Variants in MYO16 observed in about 807,000 individuals in gnomAD.
MYO16 encodes the protein unconventional myosin-XVI.
In MYO16, 94 loss-of-function variants were observed where a neutral mutation model predicts 205.3. The observed-to-expected ratio is 0.46, with a 90% confidence interval of 0.39 to 0.54. The LOEUF (loss-of-function observed/expected upper bound fraction) is 0.54. MYO16 is among the 20% of genes least tolerant of loss of function. The pLI, the probability that MYO16 is intolerant of heterozygous loss-of-function variation, is 0.00. For missense variants in MYO16, 2,315 were observed against 2,387.5 expected, an observed-to-expected ratio of 0.97 and a Z score of 0.63; for synonymous variants, 988 against 954.0, an observed-to-expected ratio of 1.04 and a Z score of -0.66.
At chr13:108,964,086 C>A (rs546970737) in intron 19 of MYO16, among the ~76,000 whole-genome samples, 1 of 152,198 alleles carries the variant, frequency 6.6e-6, no homozygotes, top group South Asian at 2.1e-4. Flanking sequence ...CTGCCTGAGA[C>A]GCAATGGTCA....
chr13:108,655,111 C>T (rs183076445), intron 1 of MYO16, among the ~76,000 whole-genome samples: 26 of 152,288 alleles, frequency 1.7e-4, no homozygotes, highest in Non-Finnish European at 3.4e-4. Flanking sequence ...TGTTAATCCC[C>T]AAGACAATGG....
chr13:108,977,593 A>T (rs1008930072), intron 20 of MYO16, among the ~76,000 whole-genome samples: 59 of 151,938 alleles, frequency 3.9e-4, no homozygotes, highest in African/African-American at 1.2e-3. Context: ...ATATTTTTTT[A>T]AAAAAAACCT....
chr13:109,098,697 A>G (rs1386085353), intron 27 of MYO16, among the ~76,000 whole-genome samples: 2 of 152,164 alleles, frequency 1.3e-5, no homozygotes, highest in African/African-American at 4.8e-5. Flanking sequence ...CCAGCAGCAG[A>G]TCATCAAACA....
chr13:108,508,868 G>T, the MYO16 span, among the ~76,000 whole-genome samples: 1 of 152,170 alleles, frequency 6.6e-6, no homozygotes, highest in African/African-American at 2.4e-5. Flanking sequence ...TTGGGAGAGT[G>T]AGGGATGGGA....
intron 27 of MYO16, among the ~76,000 whole-genome samples, chr13:109,075,028 A>T (rs148319859): frequency 2.6e-5 from 4 of 152,230 alleles, no homozygotes; most frequent in Admixed American, 2.6e-4. Context: ...ACATTCATCT[A>T]TATTGTTATA....
chr13:108,922,875 G>A (rs749989122), intron 16 of MYO16, among the ~76,000 whole-genome samples: 4 of 152,112 alleles, frequency 2.6e-5, no homozygotes, highest in Non-Finnish European at 4.4e-5. Context: ...CTGAGTTTAG[G>A]AGGGAGACTA....
At chr13:109,082,158 C>T (rs888362264) in intron 27 of MYO16, among the ~76,000 whole-genome samples, 4 of 152,120 alleles carry the variant, frequency 2.6e-5, no homozygotes, top group African/African-American at 7.2e-5. Flanking sequence ...TCACCATCGT[C>T]GTAGACTGAC....
intron 16 of MYO16, among the ~76,000 whole-genome samples, chr13:108,914,144 AC>A (rs1266972212): frequency 6.8e-6 from 1 of 147,810 alleles, no homozygotes; most frequent in African/African-American, 2.5e-5. Flanking sequence ...TATTATATAT[AC>A]TATATTATAT....
the MYO16 span, among the ~76,000 whole-genome samples, chr13:108,566,674 G>T: frequency 1.3e-5 from 2 of 149,770 alleles, no homozygotes; most frequent in Non-Finnish European, 3.0e-5. Context: ...AAGAAGGAAG[G>T]AAGGAAGGAA....
At chr13:108,955,778 G>A (rs141606468) in intron 16 of MYO16, among the ~76,000 whole-genome samples, 2,117 of 152,228 alleles carry the variant, frequency 0.014, 37 homozygotes, top group African/African-American at 0.048. Context: ...TTGAACCCGG[G>A]AGGTGAAGGT....
At chr13:108,856,800 C>G (rs1390419979) in intron 11 of MYO16, among the ~76,000 whole-genome samples, 4 of 152,168 alleles carry the variant, frequency 2.6e-5, no homozygotes, top group Non-Finnish European at 5.9e-5. Flanking sequence ...CCATTACCTT[C>G]CCTTCTCTAA....
the MYO16 span, among the ~76,000 whole-genome samples, chr13:108,583,621 A>C: frequency 6.6e-6 from 1 of 152,186 alleles, no homozygotes; most frequent in African/African-American, 2.4e-5. Context: ...TATATGGGTA[A>C]TTCTGGAAGG....
chr13:108,888,431 G>T lies in MYO16; in HGVS notation c.1613G>T (p.Cys538Phe). 6.2e-7 allele frequency: 1 copy of T among 1,611,900 alleles called. No homozygotes were observed. Among genetic ancestry groups the T allele is most frequent in the Non-Finnish European group, 8.5e-7 (1 of 1,179,208 alleles). The change falls in exon 14 of 35, where the codon TGC becomes TTC. Residue 538 changes from cysteine (C) to phenylalanine (F), a missense_variant. By Grantham distance (205) the Cys-to-Phe change is radical. Around this residue, in one of 3 missense-constraint regions of MYO16, gnomAD observed 1,213 missense variants for 1,274.4 expected, o/e 0.95. Coordinates refer to ENST00000457511, the MANE Select transcript of MYO16 (RefSeq NM_001198950.3). Reference sequence around the variant, plus strand: ...AAACAAATCATAAGACACCTCACCTGCAGGGCTGGCGCCAGCAGGGCCACA... The same window carrying T: ...AAACAAATCATAAGACACCTCACCTTCAGGGCTGGCGCCAGCAGGGCCACA... ...ASKQIIRHLT[C>F]RAGASRATLD...
intron 29 of MYO16, among the ~76,000 whole-genome samples, chr13:109,123,793 A>G (rs1876110007): frequency 6.6e-6 from 1 of 152,210 alleles, no homozygotes; most frequent in African/African-American, 2.4e-5. Context: ...CTACTCAAGT[A>G]AACACATCAA....
At chr13:108,600,742 T>C (rs1247213212) in intron 1 of MYO16, among the ~76,000 whole-genome samples, 3 of 152,274 alleles carry the variant, frequency 2.0e-5, no homozygotes, top group African/African-American at 7.2e-5. Context: ...AGAACACTAT[T>C]TTTTCTTTCA....
chr13:108,807,997 G>C (rs1391868969), intron 7 of MYO16, among the ~76,000 whole-genome samples: 1 of 152,030 alleles, frequency 6.6e-6, no homozygotes, highest in Non-Finnish European at 1.5e-5. Flanking sequence ...GCATGTTGAG[G>C]GTGACTAAAT....
intron 4 of MYO16, among the ~76,000 whole-genome samples, chr13:108,753,446 G>A (rs1008690797): frequency 2.7e-5 from 4 of 147,190 alleles, no homozygotes; most frequent in Admixed American, 2.0e-4. Context: ...TTTTGTATTC[G>A]TTAAAAGGAG....
chr13:109,020,042 A>G, intron 23 of MYO16, 131 bp downstream of exon 23: 1 of 849,392 alleles, frequency 1.2e-6, no homozygotes. Flanking sequence ...AACCCACAAC[A>G]TGTACTTTTC....
chr13:108,855,333 C>A, intron 10 of MYO16, 110 bp from the exon 11 acceptor site: 12 of 397,108 alleles, frequency 3.0e-5, no homozygotes, highest in East Asian at 1.3e-4. Context: ...CAGTTCCTAA[C>A]TCAGGTTGTC....
Sources: allele counts gnomAD v4.1 joint callset (sites outside exome capture counted in the v4.1 genomes callset), GRCh38; gene constraint gnomAD v4.1.1; regional missense constraint gnomAD v4.1.1; transcripts MANE v1.5; gene names NCBI Gene and HGNC (gene_info 2026-07-23, HGNC 2026-07-21).